LIN7A: variants seen among roughly 807,000 people sequenced by gnomAD.
LIN7A encodes the protein protein lin-7 homolog A.
LIN7A carries 25 observed loss-of-function variants against 29.8 expected under a neutral mutation model. The observed-to-expected ratio is 0.84, with a 90% CI of 0.61 to 1.17. The LOEUF (loss-of-function observed/expected upper bound fraction) is 1.17, where lower values mean the gene tolerates loss of function less well. Among genes scored for constraint, LIN7A ranks in the 50% most tolerant of loss-of-function variants. The probability of loss-of-function intolerance (pLI) is 0.00; values close to 1 mark genes in which losing one functional copy is unlikely to be tolerated. For missense variants in LIN7A, 239 were observed against 287.0 expected (o/e 0.83, Z 1.21); for synonymous variants, 118 against 107.5 (o/e 1.10, Z -0.60).
At chr12:80,927,068 T>G (rs920269207) in intron 1 of LIN7A, among the ~76,000 whole-genome samples, 1 of 151,752 alleles carries the variant, frequency 6.6e-6, no homozygotes, top group Non-Finnish European at 1.5e-5. Flanking sequence ...ATCACATGCC[T>G]TTATCAATAT....
At chr12:80,901,947 T>C (rs1448277558) in intron 1 of LIN7A, among the ~76,000 whole-genome samples, 1 of 152,106 alleles carries the variant, frequency 6.6e-6, no homozygotes, top group Non-Finnish European at 1.5e-5. Flanking sequence ...TTGCAGAAGT[T>C]GTTATGGTGA....
At chr12:80,869,372 A>G (rs550143426) in intron 2 of LIN7A, among the ~76,000 whole-genome samples, 2 of 152,192 alleles carry the variant, frequency 1.3e-5, no homozygotes, top group African/African-American at 4.8e-5. Flanking sequence ...CTGTGGACCC[A>G]TGAACATGTT....
chr12:80,794,588 C>G lies in LIN7A; in HGVS notation c.*3139G>C, dbSNP rs1870360575. On this transcript the variant is annotated 3_prime_UTR_variant, in exon 6 of 6. Coordinates refer to ENST00000552864, the MANE Select transcript of LIN7A (RefSeq NM_004664.4). ...ATCAGTTTGATGTCACAGTTGAAAA[C>G]TGCATTTGTAAATCTGTGTAATCCA... 6.6e-6 allele frequency: 1 copy of G among 152,126 alleles called. No homozygotes were observed. The highest frequency in any genetic ancestry group is 1.9e-4 in the East Asian group (1 of 5,198). 9.4% of individuals were successfully genotyped at this position (152,126 alleles called of 1,614,324 possible).
chr12:80,816,439 C>T (rs1871540337), intron 4 of LIN7A, among the ~76,000 whole-genome samples: 1 of 150,496 alleles, frequency 6.6e-6, no homozygotes. Flanking sequence ...TATACACACT[C>T]ACACACACAC....
At chr12:80,923,618 C>CT (rs1877429840) in intron 1 of LIN7A, among the ~76,000 whole-genome samples, 1 of 152,118 alleles carries the variant, frequency 6.6e-6, no homozygotes, top group Non-Finnish European at 1.5e-5. Flanking sequence ...AAGTTCCTTC[C>CT]TTTTTTTCTC....
At chr12:80,930,541 TA>T (rs1877844127) in intron 1 of LIN7A, among the ~76,000 whole-genome samples, 1 of 152,234 alleles carries the variant, frequency 6.6e-6, no homozygotes, top group Admixed American at 6.5e-5. Flanking sequence ...GCGTAGCTTA[TA>T]TATATGTGTG....
At chr12:80,932,936 AGAG>A (rs1334775685) in intron 1 of LIN7A, among the ~76,000 whole-genome samples, 1 of 152,244 alleles carries the variant, frequency 6.6e-6, no homozygotes, top group Non-Finnish European at 1.5e-5. Context: ...CCTCTGATGT[AGAG>A]AAGAGTTGCT....
At chr12:80,850,144 G>A (rs1412846297) in intron 2 of LIN7A, among the ~76,000 whole-genome samples, 1 of 152,198 alleles carries the variant, frequency 6.6e-6, no homozygotes, top group East Asian at 1.9e-4. Flanking sequence ...ATTAGAAAGT[G>A]GTATATTCAA....
At chr12:80,884,911 C>T (rs1031633329) in intron 2 of LIN7A, among the ~76,000 whole-genome samples, 3 of 152,102 alleles carry the variant, frequency 2.0e-5, no homozygotes, top group Non-Finnish European at 2.9e-5. Context: ...AGCAGCACAT[C>T]ATCCTCCAGG....
In LIN7A at chr12:80,845,786, C is replaced by G; in HGVS notation, c.427G>C (p.Ala143Pro). The G allele has an allele frequency of 6.2e-7, 1 of 1,613,866 alleles. No individual in the cohort carries two copies. Among genetic ancestry groups the G allele is most frequent in the Non-Finnish European group, 8.5e-7 (1 of 1,179,910 alleles). ...CTTTTGAGGCCTCCGTGTCTTTCAG[C>G]CACCCCTCCAGGAATTATGCGAGAG... ...YISRIIPGGV[A>P]ERHGGLKRGD... is the part of the protein sequence containing the mutation. Residue 143 changes from alanine (A) to proline (P), a missense_variant, in exon 4 of 6, where the codon GCT becomes CCT. Transcript: ENST00000552864.
chr12:80,803,272 G>C (rs2121491817), intron 5 of LIN7A, among the ~76,000 whole-genome samples: 1 of 152,274 alleles, frequency 6.6e-6, no homozygotes, highest in East Asian at 1.9e-4. Flanking sequence ...AAGTCTTACA[G>C]TTAAGTTTCC....
rs1318847721 is a variant in LIN7A at position 80,795,261 on chromosome 12, T to A, written c.*2466A>T. The A allele has an allele frequency of 2.6e-5, 4 of 152,112 alleles. No individual in the cohort carries two copies. The highest frequency in any genetic ancestry group is 2.9e-5 in the Non-Finnish European group (2 of 67,982). 9.4% of individuals were successfully genotyped at this position (152,112 alleles called of 1,614,324 possible). A position where few individuals can be genotyped will look rare whatever the true frequency, so the allele number is the denominator to read the frequency against. On this transcript the variant is annotated 3_prime_UTR_variant, in exon 6 of 6. Transcript: ENST00000552864. ...AAGTCTTAGTGATGGCTACCTCTGA[T>A]TAAAACTTTAGGAAAAGACTTACAT...
chr12:80,881,604 G>A (rs1183216490), intron 2 of LIN7A, among the ~76,000 whole-genome samples: 1 of 148,274 alleles, frequency 6.7e-6, no homozygotes. Context: ...TGCACAAAAA[G>A]CAAAGAAAAC....
chr12:80,917,881 T>C (rs900638301), intron 1 of LIN7A, among the ~76,000 whole-genome samples: 5 of 152,202 alleles, frequency 3.3e-5, no homozygotes, highest in African/African-American at 9.6e-5. Flanking sequence ...CTCCTCCTCA[T>C]GTGTTTTTAA....
intron 1 of LIN7A, among the ~76,000 whole-genome samples, chr12:80,929,258 C>G (rs1423296470): frequency 6.6e-6 from 1 of 152,164 alleles, no homozygotes; most frequent in African/African-American, 2.4e-5. Context: ...ATGCAATCAG[C>G]ATTCTAATTT....
chr12:80,905,547 C>G (rs7301574), intron 1 of LIN7A, among the ~76,000 whole-genome samples: 1,878 of 151,964 alleles, frequency 0.012, 49 homozygotes, highest in African/African-American at 0.043. Context: ...TCTCAAATAG[C>G]CTTATTTTAT....
chr12:80,932,786 A>G (rs1877985407), intron 1 of LIN7A, among the ~76,000 whole-genome samples: 1 of 152,226 alleles, frequency 6.6e-6, no homozygotes, highest in South Asian at 2.1e-4. Flanking sequence ...CCCTAAATCC[A>G]TGCGGTCTTT....
At chr12:80,883,917 C>T (rs1875195530) in intron 2 of LIN7A, among the ~76,000 whole-genome samples, 1 of 152,114 alleles carries the variant, frequency 6.6e-6, no homozygotes, top group Admixed American at 6.5e-5. Context: ...AATTCCCATT[C>T]CCTTCAAAAA....
intron 2 of LIN7A, among the ~76,000 whole-genome samples, chr12:80,885,026 A>G (rs1047494639): frequency 6.6e-6 from 1 of 152,120 alleles, no homozygotes; most frequent in African/African-American, 2.4e-5. Flanking sequence ...TGGTTGCCAC[A>G]AGAATTCCTT....
Sources: gnomAD v4.1 joint callset for allele counts (sites outside exome capture counted in the v4.1 genomes callset) on GRCh38, gnomAD v4.1.1 for gene constraint, MANE v1.5 for transcripts, NCBI Gene and HGNC (gene_info 2026-07-23, HGNC 2026-07-21) for gene names.